The following CEP126 variants were observed in gnomAD, a reference collection of about 807,000 sequenced individuals.
The protein encoded by CEP126 is centrosomal protein of 126 kDa.
CEP126 carries 74 observed loss-of-function variants against 107.8 expected under a neutral mutation model. The ratio of observed to expected loss-of-function variants is 0.69; its 90% CI spans 0.57 to 0.83. The LOEUF (loss-of-function observed/expected upper bound fraction) is 0.83, where lower values mean the gene tolerates loss of function less well. CEP126 is among the 40% of genes least tolerant of loss of function. The pLI, the probability that CEP126 is intolerant of heterozygous loss-of-function variation, is 0.00. For synonymous variants in CEP126, 449 were observed against 446.0 expected (o/e 1.01, Z -0.08); for missense variants, 1,237 against 1,281.9 (o/e 0.96, Z 0.53).
chr11:101,989,128 C>A (rs112154425), intron 9 of CEP126, among the ~76,000 whole-genome samples: 1 of 152,022 alleles, frequency 6.6e-6, no homozygotes, highest in Admixed American at 6.6e-5. Context: ...TATCCTCTAA[C>A]CACAATGCAA....
At chr11:101,929,954 A>G (rs1195523782) in intron 2 of CEP126, among the ~76,000 whole-genome samples, 1 of 143,776 alleles carries the variant, frequency 7.0e-6, no homozygotes, top group African/African-American at 2.5e-5. Context: ...GAGGCTAGAG[A>G]GAGCAAGCTT....
chr11:101,997,461 C>G (rs1941455534), intron 10 of CEP126, 138 bp from the exon 11 acceptor site: 3 of 1,333,100 alleles, frequency 2.3e-6, no homozygotes, highest in African/African-American at 1.5e-5. Context: ...ATAAAGTCCT[C>G]TGCAATCTTA....
intron 4 of CEP126, among the ~76,000 whole-genome samples, chr11:101,957,918 C>T (rs1940920747): frequency 6.6e-6 from 1 of 152,152 alleles, no homozygotes; most frequent in African/African-American, 2.4e-5. Context: ...TAATCAAAGC[C>T]ATGAATTACT....
rs746152663 is a variant in CEP126 at position 101,963,129 on chromosome 11, T to G, written c.2094T>G (p.Val698=). The change falls in exon 6 of 11, where the codon GTT becomes GTG. Residue 698 remains valine (V), a synonymous_variant. Transcript: ENST00000263468. ...GGGAGGATTCTATCTCTGAAAATGTTACGACTTTAGGAGGATCTGGAGCAG... is the reference window on the plus strand; with the variant it reads ...GGGAGGATTCTATCTCTGAAAATGTGACGACTTTAGGAGGATCTGGAGCAG... The part of the protein sequence containing the change: ...KSREDSISEN[V]TTLGGSGADH... 5 of 1,614,116 alleles carry G rather than the reference T, an allele frequency of 3.1e-6. No individual in the cohort carries two copies. Among genetic ancestry groups the G allele is most frequent in the African/African-American group, 1.3e-5 (1 of 75,056 alleles).
Position 101,962,713 on chromosome 11 carries a change from A to C in CEP126, c.1678A>C (p.Lys560Gln), listed in dbSNP as rs1940995710. 5.6e-6 allele frequency: 9 copies of C among 1,613,086 alleles called. No individual in the cohort carries two copies. Among genetic ancestry groups the C allele is most frequent in the Admixed American group, 1.7e-5 (1 of 59,928 alleles). Residue 560 changes from lysine (K) to glutamine (Q), a missense_variant, in exon 6 of 11, where the codon AAG becomes CAG. This residue lies in a region of CEP126 where 1,134 missense variants were observed against 1,150.5 expected (regional missense o/e 0.99). Transcript: ENST00000263468. ...TAATTATGACTTTGTTGGCCAGCAT[A>C]AGAAAATGAAATACAACATCCATGA... ...TSNYDFVGQH[K>Q]KMKYNIHERN...
chr11:101,917,609 A>G (rs1181255245), intron 1 of CEP126, among the ~76,000 whole-genome samples: 2 of 151,890 alleles, frequency 1.3e-5, no homozygotes, highest in African/African-American at 4.8e-5. Flanking sequence ...AATTTAAAAA[A>G]AAAAAAAAAA....
At chr11:101,997,228 G>C (rs1941452625) in intron 10 of CEP126, among the ~76,000 whole-genome samples, 1 of 152,156 alleles carries the variant, frequency 6.6e-6, no homozygotes, top group Non-Finnish European at 1.5e-5. Context: ...AGTAGAGACA[G>C]GGTTTTACCA....
intron 6 of CEP126, among the ~76,000 whole-genome samples, chr11:101,972,094 C>T (rs2137119946): frequency 6.6e-6 from 1 of 150,612 alleles, no homozygotes; most frequent in Non-Finnish European, 1.5e-5. Context: ...GGCAATAGAG[C>T]AAGACCCAGT....
intron 10 of CEP126, among the ~76,000 whole-genome samples, chr11:101,996,562 T>C (rs1941443974): frequency 6.6e-6 from 1 of 152,192 alleles, no homozygotes; most frequent in African/African-American, 2.4e-5. Context: ...TACGGTCTGA[T>C]AGAGGAAACA....
At chr11:101,935,098 G>A (rs903937067) in intron 2 of CEP126, among the ~76,000 whole-genome samples, 1 of 151,792 alleles carries the variant, frequency 6.6e-6, no homozygotes, top group Non-Finnish European at 1.5e-5. Flanking sequence ...AGAATAAATT[G>A]AGTTTAGTTT....
chr11:101,944,449 T>G (rs773189163), intron 3 of CEP126, 39 bp downstream of exon 3: 1 of 1,559,098 alleles, frequency 6.4e-7, no homozygotes, highest in Non-Finnish European at 8.6e-7. Flanking sequence ...ACATAAAGTT[T>G]TAATCTCATT....
chr11:101,956,553 C>T (rs1394568363), intron 4 of CEP126: 1 of 456,480 alleles, frequency 2.2e-6, no homozygotes, highest in Non-Finnish European at 4.4e-6. Context: ...CCTTCTACTT[C>T]CACATCCTTT....
Position 101,962,493 on chromosome 11 carries a change from T to C in CEP126, c.1458T>C (p.Asp486=). Residue 486 remains aspartate, a synonymous_variant, in exon 6 of 11, where the codon GAT becomes GAC. Coordinates refer to ENST00000263468, the MANE Select transcript of CEP126 (RefSeq NM_020802.4). Reference sequence around the variant, plus strand: ...ACAGTATACACATAAAAGAAATTGATGCAGTGCAGTGTTCTGATAAGTTAG... The same window carrying C: ...ACAGTATACACATAAAAGAAATTGACGCAGTGCAGTGTTCTGATAAGTTAG... ...AKNSIHIKEI[D]AVQCSDKLDE... 1 of 1,613,092 alleles carries C rather than the reference T, an allele frequency of 6.2e-7. No homozygotes were observed. The highest frequency in any genetic ancestry group is 1.1e-5 in the South Asian group (1 of 90,866).
intron 2 of CEP126, among the ~76,000 whole-genome samples, chr11:101,922,999 T>C (rs189879712): frequency 9.8e-5 from 15 of 152,348 alleles, no homozygotes; most frequent in Admixed American, 1.3e-4. Context: ...GAACAGCTTA[T>C]TGCATTGTCA....
chr11:101,984,469 T>G (rs901306821), intron 8 of CEP126, among the ~76,000 whole-genome samples: 2 of 152,184 alleles, frequency 1.3e-5, no homozygotes, highest in East Asian at 1.9e-4. Context: ...GTTATTAACA[T>G]CGATAATAAG....
rs760686400 is a variant in CEP126 at position 101,948,165 on chromosome 11, A to G, written c.506+23A>G. 4.3e-6 allele frequency: 6 copies of G among 1,389,550 alleles called. No individual in the cohort carries two copies. The Admixed American group carries it at 1.0e-4, about 24-fold the overall frequency. The allele number at this position is 1,389,550 out of a possible 1,614,324, so 86.1% of individuals were successfully genotyped here. On this transcript the variant is annotated intron_variant, in intron 4 of 10. Transcript: ENST00000263468. ...GAGGTAAGTAATTTATGATCATTGT[A>G]TACAATTATTACAATAATTGTATAA...
rs886826418 is a variant in CEP126, at chr11:101,963,260, C to A, written c.2225C>A (p.Ser742Tyr). 7 of 1,614,000 alleles carry A rather than the reference C, an allele frequency of 4.3e-6. No individual in the cohort carries two copies. The highest frequency in any genetic ancestry group is 5.9e-6 in the Non-Finnish European group (7 of 1,180,004). Residue 742 changes from serine to tyrosine, a missense_variant, in exon 6 of 11, where the codon TCT becomes TAT. Ser to Tyr is a moderately radical substitution (Grantham distance 144). Coordinates refer to ENST00000263468, the MANE Select transcript of CEP126 (RefSeq NM_020802.4). Reference sequence around the variant, plus strand: ...AGTAAAATCCCTGTACATGATGATTCTAAAACTAAGCAAGGTAAGCCACAA... The same window carrying A: ...AGTAAAATCCCTGTACATGATGATTATAAAACTAAGCAAGGTAAGCCACAA... Reference protein sequence around the residue: ...EESKIPVHDDSKTKQGKPQRG... With the variant: ...EESKIPVHDDYKTKQGKPQRG...
chr11:101,995,437 T>A (rs1011011062), intron 10 of CEP126, among the ~76,000 whole-genome samples: 1 of 152,202 alleles, frequency 6.6e-6, no homozygotes, highest in African/African-American at 2.4e-5. Flanking sequence ...TGAGGGCAGC[T>A]TGGGCATTTA....
Position 101,997,677 on chromosome 11 carries a change from G to A in CEP126, c.*34G>A, listed in dbSNP as rs1404960072. The A allele has an allele frequency of 1.2e-6, 2 of 1,613,676 alleles. No individual in the cohort carries two copies. The highest frequency in any genetic ancestry group is 1.7e-5 in the Admixed American group (1 of 60,004). ...GAATCCGTCTAAGAAGACCTTTCAT[G>A]TACTTCCCTAGGACTAGATGCATAC... On this transcript the variant is annotated 3_prime_UTR_variant, in exon 11 of 11. Coordinates refer to ENST00000263468, the MANE Select transcript of CEP126 (RefSeq NM_020802.4).
Sources: gnomAD v4.1 joint callset for allele counts (sites outside exome capture counted in the v4.1 genomes callset) on GRCh38, gnomAD v4.1.1 for gene constraint, gnomAD v4.1.1 regional missense constraint, MANE v1.5 for transcripts, NCBI Gene and HGNC (gene_info 2026-07-23, HGNC 2026-07-21) for gene names.